CTNNA2: variants seen among roughly 807,000 people sequenced by gnomAD.
CTNNA2 encodes catenin alpha-2.
CTNNA2 carries 42 observed loss-of-function variants against 101.0 expected under a neutral mutation model. That is an observed-to-expected ratio of 0.42 (90% CI 0.32 to 0.54). The LOEUF (loss-of-function observed/expected upper bound fraction) is 0.54, where lower values mean the gene tolerates loss of function less well. CTNNA2 is among the 20% of genes least tolerant of loss of function. The pLI is 0.14. For missense variants in CTNNA2, 871 were observed against 1,223.1 expected, an observed-to-expected ratio of 0.71 and a Z score of 4.29; for synonymous variants, 450 against 456.4, an observed-to-expected ratio of 0.99 and a Z score of 0.18.
In CTNNA2 at chr2:80,582,142, C is replaced by T. The variant is rs1695595016; in HGVS notation, c.2007+323C>T. On this transcript the variant is annotated intron_variant, in intron 14 of 18. Transcript: ENST00000402739. ...TAGACTGATAGGGGACACTGGAATA[C>T]TCAAATTTTGCATTGGCACAGTCAC... Among the ~76,000 whole-genome samples the T allele has an allele frequency of 2.0e-5, 3 of 152,102 alleles. No individual in the cohort carries two copies. In the South Asian group the frequency reaches 6.2e-4, roughly 32 times the overall value.
chr2:79,876,953 G>C (rs1164729987), intron 6 of CTNNA2, among the ~76,000 whole-genome samples: 1 of 151,836 alleles, frequency 6.6e-6, no homozygotes, highest in Non-Finnish European at 1.5e-5. Flanking sequence ...ATTTGAAACA[G>C]TTGGAAAAAT....
intron 7 of CTNNA2, among the ~76,000 whole-genome samples, chr2:80,164,880 G>A (rs1234980905): frequency 6.7e-6 from 1 of 149,362 alleles, no homozygotes; most frequent in Non-Finnish European, 1.5e-5. Context: ...CTTCCTTCTG[G>A]TCTCCCTGAC....
At chr2:79,582,474 C>T (rs938303204) in intron 1 of CTNNA2, among the ~76,000 whole-genome samples, 1 of 151,914 alleles carries the variant, frequency 6.6e-6, no homozygotes, top group African/African-American at 2.4e-5. Flanking sequence ...TTTAAAGCTC[C>T]CATTTTATCT....
Position 79,239,582 on chromosome 2 carries a change from C to T in CTNNA2, c.-406+41506C>T, listed in dbSNP as rs112955212. Among the ~76,000 whole-genome samples, 59 of 152,164 alleles carry T rather than the reference C, an allele frequency of 3.9e-4. 1 individual carries two copies. Among genetic ancestry groups the T allele is most frequent in the Non-Finnish European group, 2.2e-4 (15 of 67,988 alleles). On this transcript the variant is annotated intron_variant, in intron 2 of 21. Transcript: ENST00000466387. ...TAAAGACTTAAGTGTAAAACCCAAACGTATAAAACACCCTAGAAGAAAATC... is the reference window on the plus strand; with the variant it reads ...TAAAGACTTAAGTGTAAAACCCAAATGTATAAAACACCCTAGAAGAAAATC...
intron 8 of CTNNA2, 67 bp from the exon 9 acceptor site, chr2:80,419,382 G>T: frequency 7.5e-7 from 1 of 1,336,790 alleles, no homozygotes; most frequent in Non-Finnish European, 1.0e-6. Context: ...AAACAGTTTA[G>T]AAAAAAAATG....
chr2:79,641,992 C>A (rs1680479020), intron 1 of CTNNA2, among the ~76,000 whole-genome samples: 1 of 152,080 alleles, frequency 6.6e-6, no homozygotes, highest in Non-Finnish European at 1.5e-5. Context: ...TTAGTCTTAA[C>A]TTATCACCTT....
intron 4 of CTNNA2, among the ~76,000 whole-genome samples, chr2:79,442,481 C>T (rs977466171): frequency 1.6e-4 from 25 of 152,124 alleles, no homozygotes; most frequent in African/African-American, 6.0e-4. Flanking sequence ...CATGAAGATA[C>T]GTGTTCTGTT....
chr2:79,821,583 G>C (rs745734756), intron 3 of CTNNA2, among the ~76,000 whole-genome samples: 1 of 152,128 alleles, frequency 6.6e-6, no homozygotes. Context: ...CATAAAATTA[G>C]TTGGACGCTA....
rs559923614 is a variant in CTNNA2 at position 80,392,896 on chromosome 2, AAAAAC to A, written c.1057-308_1057-304del. On this transcript the variant is annotated intron_variant, in intron 7 of 18. Transcript: ENST00000402739. ...ACACAAAGCATTTGTATTTGAAGGC[AAAAAC>A]AAAACATCCTTGTTATATTAACTTA... 1.8e-3 allele frequency among the ~76,000 whole-genome samples: 279 copies of A among 152,328 alleles called. 1 individual carries two copies. The highest frequency in any genetic ancestry group is 6.3e-3 in the African/African-American group (260 of 41,574).
At position 79,914,295 on chromosome 2, in the gene CTNNA2, T is replaced by TCTAA. The variant is rs145399735; in HGVS notation, c.1056+4499_1056+4502dup. Among the ~76,000 whole-genome samples the TCTAA allele has an allele frequency of 5.3e-3, 804 of 152,268 alleles. 10 individuals carry two copies. The highest frequency in any genetic ancestry group is 0.018 in the African/African-American group (748 of 41,558). On this transcript the variant is annotated intron_variant, in intron 7 of 18. Transcript: ENST00000402739. ...TTTCAACGTTGTATCACCAAAAATG[T>TCTAA]CTAAGTATGGTTCACATTCTTATAA...
At chr2:79,514,612 G>A (rs1671710049) in intron 1 of CTNNA2, 2 of 152,212 alleles carry the variant, frequency 1.3e-5, no homozygotes, top group African/African-American at 4.8e-5. Context: ...CATTGCTGCT[G>A]TAAAGTTTAT....
At chr2:80,206,514 A>T (rs1363996072) in intron 7 of CTNNA2, among the ~76,000 whole-genome samples, 1 of 152,260 alleles carries the variant, frequency 6.6e-6, no homozygotes, top group East Asian at 1.9e-4. Flanking sequence ...CAAGTGTTTA[A>T]TAAGCTTCTG....
At chr2:80,529,751 A>G (rs1341020529) in intron 9 of CTNNA2, among the ~76,000 whole-genome samples, 1 of 152,190 alleles carries the variant, frequency 6.6e-6, no homozygotes, top group Non-Finnish European at 1.5e-5. Context: ...CTCTGGTACT[A>G]TTAGTCAGAA....
intron 4 of CTNNA2, among the ~76,000 whole-genome samples, chr2:79,423,047 C>G (rs1431645182): frequency 6.6e-6 from 1 of 152,148 alleles, no homozygotes; most frequent in African/African-American, 2.4e-5. Context: ...ATCACCTTCA[C>G]TTGAAATTGG....
intron 3 of CTNNA2, among the ~76,000 whole-genome samples, chr2:79,807,459 A>G (rs1302385406): frequency 1.3e-5 from 2 of 152,146 alleles, no homozygotes; most frequent in Admixed American, 6.5e-5. Context: ...CTTAATTTTA[A>G]GCATTTTTTA....
intron 1 of CTNNA2, among the ~76,000 whole-genome samples, chr2:79,544,393 T>C (rs1299935398): frequency 6.6e-6 from 1 of 152,194 alleles, no homozygotes; most frequent in African/African-American, 2.4e-5. Flanking sequence ...GGCTTTCTTT[T>C]CTTTTCTTTT....
At chr2:80,255,051 G>A (rs560122065) in intron 7 of CTNNA2, among the ~76,000 whole-genome samples, 31 of 152,220 alleles carry the variant, frequency 2.0e-4, no homozygotes, top group African/African-American at 7.5e-4. Context: ...AATGGGTCCT[G>A]ACATGGCAGG....
chr2:79,331,360 G>A (rs1429566358), intron 3 of CTNNA2, among the ~76,000 whole-genome samples: 1 of 152,224 alleles, frequency 6.6e-6, no homozygotes, highest in Non-Finnish European at 1.5e-5. Flanking sequence ...AGACAGAAAG[G>A]TCAACTTAGG....
intron 7 of CTNNA2, among the ~76,000 whole-genome samples, chr2:79,940,736 A>G (rs1231706641): frequency 2.0e-5 from 3 of 152,220 alleles, no homozygotes; most frequent in Admixed American, 6.5e-5. Flanking sequence ...AGCCTACCTT[A>G]AATGTGTTCG....
Sources: allele counts gnomAD v4.1 joint callset (sites outside exome capture counted in the v4.1 genomes callset), GRCh38; gene constraint gnomAD v4.1.1; transcripts MANE v1.5; gene names NCBI Gene and HGNC (gene_info 2026-07-23, HGNC 2026-07-21).